Variants in ATXN2 observed in about 807,000 individuals in gnomAD.
ATXN2 encodes ataxin 2, also known as ataxin-2.
Under a neutral mutation model 138.6 loss-of-function variants are expected in ATXN2, and 37 were observed. The observed-to-expected ratio is 0.27, with a 90% CI of 0.21 to 0.35. The LOEUF (loss-of-function observed/expected upper bound fraction) is 0.35, where lower values mean the gene tolerates loss of function less well. Among genes scored for constraint, ATXN2 ranks in the 10% least tolerant of loss-of-function variants. The pLI, the probability that ATXN2 is intolerant of heterozygous loss-of-function variation, is 1.00. For synonymous variants in ATXN2, 549 were observed against 543.7 expected (o/e 1.01, Z -0.13); for missense variants, 1,216 against 1,480.3 (o/e 0.82, Z 2.93).
intron 1 of ATXN2, among the ~76,000 whole-genome samples, chr12:111,580,750 A>G (rs11065956): frequency 0.099 from 14,939 of 150,828 alleles, 2,511 homozygotes; most frequent in African/African-American, 0.35. Flanking sequence ...AAGAAAGGAA[A>G]AAATAAAAAG....
rs1206356699 is a variant in ATXN2 at position 111,452,222 on chromosome 12, T to C, written c.*590A>G. 1 of 152,430 alleles carries C rather than the reference T, an allele frequency of 6.6e-6. No homozygotes were observed. The highest frequency in any genetic ancestry group is 1.5e-5 in the Non-Finnish European group (1 of 68,060). 9.4% of individuals were successfully genotyped at this position (152,430 alleles called of 1,614,324 possible). On this transcript the variant is annotated 3_prime_UTR_variant, in exon 25 of 25. Transcript: ENST00000673436. ...GACACACACTAACTTGATCAGTTTT[T>C]AAAACTTTTTTTATTTTTTAAATTT...
intron 5 of ATXN2, among the ~76,000 whole-genome samples, chr12:111,544,415 T>C (rs1455467165): frequency 2.0e-5 from 3 of 152,234 alleles, no homozygotes; most frequent in East Asian, 1.9e-4. Context: ...GAGCCTGTAC[T>C]ATGTGCCAAA....
Position 111,599,255 on chromosome 12 carries a change from A to T in ATXN2, c.-221T>A. 9.2e-7 allele frequency: 1 copy of T among 1,090,946 alleles called. No homozygotes were observed. The allele number at this position is 1,090,946 out of a possible 1,614,324, so 67.6% of individuals were successfully genotyped here. Reference sequence around the variant, plus strand: ...AAGGAGCCGCCGGGAGCCGGGCCGAAACGCGCCGCCGCCGTTGCCGTTGCT... The same window carrying T: ...AAGGAGCCGCCGGGAGCCGGGCCGATACGCGCCGCCGCCGTTGCCGTTGCT... On this transcript the variant is annotated 5_prime_UTR_variant, in exon 1 of 25. Transcript: ENST00000673436.
At chr12:111,466,498 C>G (rs1368615726) in intron 20 of ATXN2, among the ~76,000 whole-genome samples, 2 of 152,064 alleles carry the variant, frequency 1.3e-5, no homozygotes, top group African/African-American at 4.8e-5. Context: ...GAGACTCCAT[C>G]TCAAAAAAAG....
At chr12:111,553,604 A>AAAAAAAATTTTTTTTT (rs1882237738) in intron 3 of ATXN2, among the ~76,000 whole-genome samples, 5 of 85,002 alleles carry the variant, frequency 5.9e-5, no homozygotes, top group Admixed American at 5.8e-4. Context: ...AAAAAAAAAA[A>AAAAAAAATTTTTTTTT]TTTTTTTTTT....
intron 1 of ATXN2, among the ~76,000 whole-genome samples, chr12:111,568,087 C>G (rs1002220515): frequency 2.6e-5 from 4 of 151,872 alleles, no homozygotes; most frequent in Admixed American, 6.6e-5. Flanking sequence ...ATGGTGAAAT[C>G]CCCTCTCAAA....
chr12:111,482,799 A>C (rs1174625148), intron 18 of ATXN2: 1 of 152,052 alleles, frequency 6.6e-6, no homozygotes, highest in Non-Finnish European at 1.5e-5. Context: ...TATTTCAGGC[A>C]GAGTTCTTTC....
At chr12:111,458,461 TC>T (rs1875296809) in intron 21 of ATXN2, 1 of 152,140 alleles carries the variant, frequency 6.6e-6, no homozygotes, top group Non-Finnish European at 1.5e-5. Context: ...AAGTTGAGAA[TC>T]AGAAGCAGAG....
chr12:111,526,742 A>C (rs1880529391), intron 5 of ATXN2, among the ~76,000 whole-genome samples: 1 of 152,168 alleles, frequency 6.6e-6, no homozygotes, highest in African/African-American at 2.4e-5. Flanking sequence ...CACTAATTAG[A>C]TATACCTTCG....
Position 111,564,485 on chromosome 12 carries a change from G to GA in ATXN2, c.252-8567dup, listed in dbSNP as rs34034056. ...GGTAAAAGGAATTTGAGGGGAAATG[G>GA]AAAAAAAAAAAAAGGATATGCAACA... On this transcript the variant is annotated intron_variant, in intron 1 of 24. Transcript: ENST00000673436. Among the ~76,000 whole-genome samples, 698 of 135,684 alleles carry GA rather than the reference G, an allele frequency of 5.1e-3. 5 individuals carry two copies. The highest frequency in any genetic ancestry group is 8.4e-3 in the South Asian group (36 of 4,292). The allele number at this position is 135,684 out of a possible 152,430, so 89.0% of individuals were successfully genotyped here.
At chr12:111,498,620 G>C (rs1878572818) in intron 14 of ATXN2, among the ~76,000 whole-genome samples, 1 of 152,086 alleles carries the variant, frequency 6.6e-6, no homozygotes, top group Non-Finnish European at 1.5e-5. Flanking sequence ...AATTAATATT[G>C]CTAAAATGTT....
intron 23 of ATXN2, chr12:111,455,748 CAGAA>C (rs1875038085): frequency 9.6e-6 from 5 of 518,588 alleles, no homozygotes; most frequent in South Asian, 2.1e-5. Flanking sequence ...AAAGCAGACA[CAGAA>C]AGGAAAGAAG....
chr12:111,599,468 T>A (rs992476955), upstream of ATXN2: 1 of 1,212,640 alleles, frequency 8.2e-7, no homozygotes, highest in Non-Finnish European at 1.0e-6. Flanking sequence ...GCGGCGAGAC[T>A]CGGTGGCCAC....
chr12:111,484,023 T>C (rs372702457), intron 18 of ATXN2, among the ~76,000 whole-genome samples: 23 of 152,052 alleles, frequency 1.5e-4, no homozygotes, highest in African/African-American at 5.1e-4. Context: ...CCCGGTCATG[T>C]GATCTGCCCA....
At chr12:111,526,317 C>T (rs1880499021) in intron 5 of ATXN2, among the ~76,000 whole-genome samples, 1 of 151,108 alleles carries the variant, frequency 6.6e-6, no homozygotes, top group South Asian at 2.1e-4. Context: ...GATCACGCCA[C>T]TGTGCTCCAG....
intron 10 of ATXN2, among the ~76,000 whole-genome samples, chr12:111,514,411 G>A (rs61944384): frequency 0.035 from 5,403 of 152,270 alleles, 152 homozygotes; most frequent in South Asian, 0.055. Context: ...GCCTACTGGT[G>A]TTAACACCAA....
chr12:111,560,681 A>C (rs966102430), intron 1 of ATXN2, among the ~76,000 whole-genome samples: 2 of 152,018 alleles, frequency 1.3e-5, no homozygotes, highest in Admixed American at 1.3e-4. Flanking sequence ...TAACAGTAAC[A>C]ACCACCACCC....
At chr12:111,545,985 C>T (rs1881780990) in intron 5 of ATXN2, among the ~76,000 whole-genome samples, 1 of 149,140 alleles carries the variant, frequency 6.7e-6, no homozygotes, top group Admixed American at 6.7e-5. Context: ...AAAAAGATGG[C>T]ACGGAGGAAG....
chr12:111,464,344 T>G (rs960620624), intron 21 of ATXN2, among the ~76,000 whole-genome samples: 1 of 140,920 alleles, frequency 7.1e-6, no homozygotes, highest in African/African-American at 3.1e-5. Context: ...TTTGTGTGTG[T>G]GTGTGTGTGT....
Sources: allele counts gnomAD v4.1 joint callset (sites outside exome capture counted in the v4.1 genomes callset), GRCh38; gene constraint gnomAD v4.1.1; transcripts MANE v1.5; gene names NCBI Gene and HGNC (gene_info 2026-07-23, HGNC 2026-07-21).